The following CCDC148 variants were observed in gnomAD, a reference collection of about 807,000 sequenced individuals.
The protein encoded by CCDC148 is coiled-coil domain containing 148, also known as coiled-coil domain-containing protein 148.
A neutral mutation model predicts 85.7 loss-of-function variants in CCDC148; 89 were observed. The ratio of observed to expected loss-of-function variants is 1.04; its 90% CI spans 0.87 to 1.24. The LOEUF is 1.24. Ranked by LOEUF, CCDC148 falls within the 50% of genes most tolerant of loss-of-function variation. The pLI is 0.00. For synonymous variants in CCDC148, 230 were observed against 213.9 expected, an observed-to-expected ratio of 1.08 and a Z score of -0.66; for missense variants, 692 against 671.7, an observed-to-expected ratio of 1.03 and a Z score of -0.33.
At chr2:158,365,707 A>G (rs1684168917) in intron 1 of CCDC148, among the ~76,000 whole-genome samples, 3 of 152,144 alleles carry the variant, frequency 2.0e-5, no homozygotes. Context: ...CCTAATGTAG[A>G]TGACGGGTTG....
At chr2:158,392,732 A>G (rs1685366730) in intron 1 of CCDC148, among the ~76,000 whole-genome samples, 2 of 152,140 alleles carry the variant, frequency 1.3e-5, no homozygotes, top group African/African-American at 4.8e-5. Context: ...CCCTTAAGAT[A>G]ATGTTACTAG....
chr2:158,278,490 G>A (rs1481881729), intron 9 of CCDC148, among the ~76,000 whole-genome samples: 1 of 152,218 alleles, frequency 6.6e-6, no homozygotes, highest in Non-Finnish European at 1.5e-5. Flanking sequence ...CACCTGGCTG[G>A]GAGGGTCCTT....
chr2:158,300,468 G>T (rs1001609764), intron 9 of CCDC148, among the ~76,000 whole-genome samples: 15 of 152,172 alleles, frequency 9.9e-5, no homozygotes, highest in Non-Finnish European at 1.9e-4. Flanking sequence ...GAGTTAGGGA[G>T]AACAAAGAGT....
In CCDC148 at chr2:158,286,223, G is replaced by A. The variant is rs114809289; in HGVS notation, c.1110+23210C>T. ...GCAAAGACACCAAATATGTAGAAAT[G>A]AATCTGGCAAAAGATTGTATAGCAC... On this transcript the variant is annotated intron_variant, in intron 9 of 13. Transcript: ENST00000283233. 9.9e-3 allele frequency among the ~76,000 whole-genome samples: 1,506 copies of A among 152,108 alleles called. 19 individuals are homozygous for A. Among genetic ancestry groups the A allele is most frequent in the African/African-American group, 0.033 (1,385 of 41,502 alleles).
chr2:158,216,764 G>T (rs911018920), intron 11 of CCDC148, among the ~76,000 whole-genome samples: 2 of 151,988 alleles, frequency 1.3e-5, no homozygotes, highest in Non-Finnish European at 2.9e-5. Flanking sequence ...TGGCCTTCTT[G>T]CTTTAATATT....
At chr2:158,202,616 A>G (rs1686025463) in intron 11 of CCDC148, among the ~76,000 whole-genome samples, 1 of 152,194 alleles carries the variant, frequency 6.6e-6, no homozygotes, top group Admixed American at 6.5e-5. Context: ...GTTGGCATCT[A>G]TTCAACTCTG....
chr2:158,338,486 G>C, intron 7 of CCDC148: 1 of 340,986 alleles, frequency 2.9e-6, no homozygotes, highest in Non-Finnish European at 5.2e-6. Context: ...GTAGTGAAGA[G>C]CTCAATAAGA....
chr2:158,175,130 C>T (rs1481613855), intron 13 of CCDC148, among the ~76,000 whole-genome samples: 2 of 152,024 alleles, frequency 1.3e-5, no homozygotes, highest in African/African-American at 2.4e-5. Flanking sequence ...AAAAGCCTTG[C>T]CCCACCCTCT....
At chr2:158,429,140 G>A (rs1003838262) in intron 1 of CCDC148, among the ~76,000 whole-genome samples, 4 of 150,964 alleles carry the variant, frequency 2.6e-5, no homozygotes, top group Admixed American at 2.0e-4. Context: ...CTGTCGTGGG[G>A]TGGGGGCAGG....
chr2:158,234,993 G>C (rs549953975), intron 10 of CCDC148, among the ~76,000 whole-genome samples: 1 of 152,056 alleles, frequency 6.6e-6, no homozygotes, highest in South Asian at 2.1e-4. Context: ...GAGGGTGGAG[G>C]AAAGAAAGGA....
At chr2:158,295,202 T>G (rs113188779) in intron 9 of CCDC148, among the ~76,000 whole-genome samples, 20,114 of 151,838 alleles carry the variant, frequency 0.13, 1,403 homozygotes, top group Middle Eastern at 0.19. Context: ...AAGAGACCAA[T>G]AACAGGAGCT....
intron 11 of CCDC148, among the ~76,000 whole-genome samples, chr2:158,192,689 G>A (rs539707492): frequency 5.3e-4 from 80 of 151,920 alleles, no homozygotes; most frequent in African/African-American, 1.9e-3. Flanking sequence ...CAGAGGTCAG[G>A]AAATAAACAG....
chr2:158,297,119 G>C (rs900733917), intron 9 of CCDC148, among the ~76,000 whole-genome samples: 4 of 152,156 alleles, frequency 2.6e-5, no homozygotes, highest in African/African-American at 9.7e-5. Context: ...AAATACTCAT[G>C]AACAACTGCC....
At chr2:158,454,738 A>G (rs987405316) in intron 1 of CCDC148, among the ~76,000 whole-genome samples, 9 of 152,264 alleles carry the variant, frequency 5.9e-5, no homozygotes, top group Non-Finnish European at 1.2e-4. Flanking sequence ...TCTGAATAGC[A>G]TGAACTTTTA....
chr2:158,441,716 T>C lies in CCDC148; in HGVS notation c.25+14699A>G, dbSNP rs1687939925. On this transcript the variant is annotated intron_variant, in intron 1 of 13. Coordinates refer to ENST00000283233, the MANE Select transcript of CCDC148 (RefSeq NM_138803.4). The stretch of plus-strand genomic sequence containing the variant: ...AAAAAGTACATGTACTTATTAGCCT[T>C]TTGTCAATATTGTTTAGTATTATTT... Among the ~76,000 whole-genome samples the C allele has an allele frequency of 2.0e-5, 3 of 152,158 alleles. No homozygotes were observed. In the South Asian group the frequency reaches 6.2e-4, roughly 32 times the overall value.
intron 9 of CCDC148, among the ~76,000 whole-genome samples, chr2:158,275,686 A>G (rs1264623504): frequency 1.3e-5 from 2 of 151,248 alleles, no homozygotes; most frequent in Admixed American, 1.3e-4. Flanking sequence ...AGTTGGTTAT[A>G]TTTATGCAAA....
intron 9 of CCDC148, among the ~76,000 whole-genome samples, chr2:158,300,793 A>G (rs1029812666): frequency 6.6e-6 from 1 of 152,190 alleles, no homozygotes; most frequent in Non-Finnish European, 1.5e-5. Context: ...GCCATGCCAG[A>G]AAGTTGGGCC....
chr2:158,438,392 T>G (rs1475539890), intron 1 of CCDC148, among the ~76,000 whole-genome samples: 1 of 152,196 alleles, frequency 6.6e-6, no homozygotes, highest in Non-Finnish European at 1.5e-5. Flanking sequence ...CCCTATTTAA[T>G]AAATGGTGCT....
At chr2:158,246,371 A>G (rs1688570084) in intron 10 of CCDC148, among the ~76,000 whole-genome samples, 2 of 152,204 alleles carry the variant, frequency 1.3e-5, no homozygotes, top group African/African-American at 4.8e-5. Flanking sequence ...TGTGGTGAGT[A>G]TATGTAAAGA....
Sources: gnomAD v4.1 joint callset for allele counts (sites outside exome capture counted in the v4.1 genomes callset) on GRCh38, gnomAD v4.1.1 for gene constraint, MANE v1.5 for transcripts, NCBI Gene and HGNC (gene_info 2026-07-23, HGNC 2026-07-21) for gene names.